The following B3GALNT2 variants were observed in gnomAD, a reference collection of about 807,000 sequenced individuals.
B3GALNT2 encodes the protein beta-1,3-N-acetylgalactosaminyltransferase 2.
In B3GALNT2, 53 loss-of-function variants were observed where a neutral mutation model predicts 61.1. That is an observed-to-expected ratio of 0.87 (90% CI 0.70 to 1.09). The LOEUF (loss-of-function observed/expected upper bound fraction) is 1.09. Among genes scored for constraint, B3GALNT2 ranks in the 50% least tolerant of loss-of-function variants. The probability of loss-of-function intolerance (pLI) is 0.00; values close to 1 mark genes in which losing one functional copy is unlikely to be tolerated. For synonymous variants in B3GALNT2, 223 were observed against 237.4 expected, an observed-to-expected ratio of 0.94 and a Z score of 0.56; for missense variants, 544 against 623.0, an observed-to-expected ratio of 0.87 and a Z score of 1.35.
At chr1:235,503,331 A>G (rs1485478636) in intron 1 of B3GALNT2, among the ~76,000 whole-genome samples, 1 of 152,270 alleles carries the variant, frequency 6.6e-6, no homozygotes, top group Non-Finnish European at 1.5e-5. Context: ...AGGGAAAGCT[A>G]AAGTAGTGTT....
At chr1:235,496,260 G>A (rs1018581587) in intron 1 of B3GALNT2, 14 of 402,998 alleles carry the variant, frequency 3.5e-5, no homozygotes, top group East Asian at 1.4e-4. Context: ...GGGGTGAGCC[G>A]AGACCGCGCC....
downstream of B3GALNT2, among the ~76,000 whole-genome samples, chr1:235,442,415 C>A (rs1263408872): frequency 6.6e-6 from 1 of 152,224 alleles, no homozygotes; most frequent in Non-Finnish European, 1.5e-5. Flanking sequence ...GGAGATCCAC[C>A]CGCCTCGGCC....
At chr1:235,453,706 G>A (rs146178159) in intron 10 of B3GALNT2, among the ~76,000 whole-genome samples, 58 of 152,128 alleles carry the variant, frequency 3.8e-4, no homozygotes, top group African/African-American at 1.3e-3. Flanking sequence ...CTTGGCGTCC[G>A]AAAGTGCTAC....
chr1:235,467,281 G>T (rs1683741351), intron 6 of B3GALNT2, among the ~76,000 whole-genome samples: 1 of 152,012 alleles, frequency 6.6e-6, no homozygotes, highest in South Asian at 2.1e-4. Flanking sequence ...CCTGGGAGAA[G>T]GAGATTGCAG....
chr1:235,498,220 C>G (rs1278324031), intron 1 of B3GALNT2, among the ~76,000 whole-genome samples: 1 of 152,148 alleles, frequency 6.6e-6, no homozygotes, highest in Non-Finnish European at 1.5e-5. Context: ...ATTTCTAGCT[C>G]CCTTTACCAA....
chr1:235,461,978 T>TA (rs1176167119), intron 7 of B3GALNT2, among the ~76,000 whole-genome samples: 1 of 152,242 alleles, frequency 6.6e-6, no homozygotes. Flanking sequence ...GGCTTTGTGT[T>TA]AGATTATTTT....
At chr1:235,481,046 C>T (rs1684544200) in intron 4 of B3GALNT2, among the ~76,000 whole-genome samples, 1 of 150,406 alleles carries the variant, frequency 6.6e-6, no homozygotes, top group Admixed American at 6.6e-5. Flanking sequence ...ACCAACTTAA[C>T]CATAGGGGAA....
At chr1:235,450,422 T>C (rs901100086) in intron 11 of B3GALNT2, 82 bp from the exon 12 acceptor site, 3 of 1,471,878 alleles carry the variant, frequency 2.0e-6, no homozygotes, top group Non-Finnish European at 2.8e-6. Context: ...AGACAGCTTT[T>C]ATGTATTCTA....
At chr1:235,494,553 C>T (rs1246595821) in intron 2 of B3GALNT2, 128 bp downstream of exon 2, 1 of 1,019,222 alleles carries the variant, frequency 9.8e-7, no homozygotes, top group African/African-American at 1.6e-5. Flanking sequence ...ATTTTCCAAG[C>T]TCAAGCAATC....
downstream of B3GALNT2, among the ~76,000 whole-genome samples, chr1:235,447,051 C>T (rs865844240): frequency 6.6e-6 from 1 of 152,130 alleles, no homozygotes; most frequent in South Asian, 2.1e-4. Context: ...CACTGGTGTG[C>T]AGCAGGTAAC....
intron 4 of B3GALNT2, among the ~76,000 whole-genome samples, chr1:235,483,602 T>C (rs1479485220): frequency 6.6e-6 from 1 of 152,164 alleles, no homozygotes; most frequent in Non-Finnish European, 1.5e-5. Flanking sequence ...CAAAATCCCA[T>C]CTTTACTAAA....
rs766294077 is a variant in B3GALNT2, at chr1:235,450,162, C to T, written c.*44G>A. The T allele has an allele frequency of 9.9e-6, 16 of 1,609,556 alleles. No homozygotes were observed. In the Admixed American group the frequency reaches 1.5e-4, roughly 15 times the overall value. On this transcript the variant is annotated 3_prime_UTR_variant, in exon 12 of 12. Transcript: ENST00000366600. The stretch of plus-strand genomic sequence containing the variant: ...CTCCTCAGACTTGCACTCAGATTAT[C>T]GTTTGCCTGCCCTGATTTTAGACTC...
At chr1:235,489,636 A>G (rs1445386894) in intron 2 of B3GALNT2, among the ~76,000 whole-genome samples, 1 of 152,196 alleles carries the variant, frequency 6.6e-6, no homozygotes, top group Non-Finnish European at 1.5e-5. Flanking sequence ...TATTTCAGAA[A>G]GTGTTCCTTT....
intron 4 of B3GALNT2, among the ~76,000 whole-genome samples, chr1:235,480,359 G>A (rs559998636): frequency 9.2e-5 from 14 of 151,826 alleles, no homozygotes; most frequent in African/African-American, 3.4e-4. Flanking sequence ...AATCAAAGTT[G>A]TCACGAAATT....
At chr1:235,503,965 C>T (rs1470323892) in intron 1 of B3GALNT2, among the ~76,000 whole-genome samples, 176 bp downstream of exon 1, 1 of 152,234 alleles carries the variant, frequency 6.6e-6, no homozygotes, top group Non-Finnish European at 1.5e-5. Flanking sequence ...GAAAAGCTCC[C>T]TCAAGTTTGC....
chr1:235,492,061 C>G (rs754931347), intron 2 of B3GALNT2, among the ~76,000 whole-genome samples: 4 of 152,188 alleles, frequency 2.6e-5, no homozygotes, highest in Non-Finnish European at 5.9e-5. Context: ...CTCTATTTAT[C>G]TCTGTATTCT....
chr1:235,488,378 C>T (rs1684902695), intron 3 of B3GALNT2, among the ~76,000 whole-genome samples: 1 of 151,970 alleles, frequency 6.6e-6, no homozygotes, highest in Admixed American at 6.6e-5. Context: ...TACCCCAAGG[C>T]AATCTGTCAA....
chr1:235,442,881 G>A, downstream of B3GALNT2: 1 of 1,613,994 alleles, frequency 6.2e-7, no homozygotes, highest in Non-Finnish European at 8.5e-7. Flanking sequence ...TCATCAACTT[G>A]ATCAGAAAGT....
intron 8 of B3GALNT2, among the ~76,000 whole-genome samples, chr1:235,457,834 CT>C (rs1407349436): frequency 1.3e-5 from 2 of 151,826 alleles, no homozygotes; most frequent in African/African-American, 4.8e-5. Flanking sequence ...CCCAAACTCA[CT>C]GATTTTTATC....
Sources: allele counts gnomAD v4.1 joint callset (sites outside exome capture counted in the v4.1 genomes callset), GRCh38; gene constraint gnomAD v4.1.1; transcripts MANE v1.5; gene names NCBI Gene and HGNC (gene_info 2026-07-23, HGNC 2026-07-21).